The following SVOP variants were observed in gnomAD, a reference collection of about 807,000 sequenced individuals.
SVOP encodes the protein synaptic vesicle 2-related protein.
SVOP carries 17 observed loss-of-function variants against 69.1 expected under a neutral mutation model. The observed-to-expected ratio is 0.25, with a 90% CI of 0.17 to 0.37. The LOEUF is 0.37. SVOP is among the 10% of genes least tolerant of loss of function. The probability of loss-of-function intolerance (pLI) is 1.00; values close to 1 mark genes in which losing one functional copy is unlikely to be tolerated. For missense variants in SVOP, 435 were observed against 597.5 expected, an observed-to-expected ratio of 0.73 and a Z score of 2.84; for synonymous variants, 238 against 238.6, an observed-to-expected ratio of 1.00 and a Z score of 0.02.
intron 12 of SVOP, among the ~76,000 whole-genome samples, chr12:108,922,110 G>A (rs554091329): frequency 6.6e-6 from 1 of 152,280 alleles, no homozygotes; most frequent in South Asian, 2.1e-4. Context: ...AGAGGGATCA[G>A]CTGCCCTTTT....
intron 1 of SVOP, among the ~76,000 whole-genome samples, chr12:108,993,103 G>A (rs1435751070): frequency 6.6e-6 from 1 of 152,028 alleles, no homozygotes; most frequent in Non-Finnish European, 1.5e-5. Context: ...TGCCTCCCAG[G>A]TTCAAGCAAT....
intron 1 of SVOP, among the ~76,000 whole-genome samples, chr12:109,003,003 A>T (rs1366711821): frequency 7.8e-5 from 1 of 12,774 alleles, no homozygotes; most frequent in East Asian, 0.056. Context: ...ATAAATAAAT[A>T]AAAATAAAAA....
intron 9 of SVOP, among the ~76,000 whole-genome samples, chr12:108,937,779 G>T (rs1422077998): frequency 1.3e-5 from 2 of 152,238 alleles, no homozygotes; most frequent in African/African-American, 4.8e-5. Context: ...TTTACCAAAA[G>T]ATTGATTAGC....
At chr12:109,014,155 A>C (rs940938178) in intron 1 of SVOP, among the ~76,000 whole-genome samples, 115 of 151,540 alleles carry the variant, frequency 7.6e-4, no homozygotes, top group African/African-American at 2.7e-3. Context: ...AGCTGGGATT[A>C]CAGGTGCATG....
intron 5 of SVOP, among the ~76,000 whole-genome samples, chr12:108,972,157 G>A (rs565809745): frequency 4.4e-4 from 67 of 151,474 alleles, no homozygotes; most frequent in Admixed American, 8.6e-4. Flanking sequence ...TGAGGAAATG[G>A]TTCTGGTCCA....
At chr12:109,020,037 C>T (rs1459347197) in intron 1 of SVOP, among the ~76,000 whole-genome samples, 2 of 152,048 alleles carry the variant, frequency 1.3e-5, no homozygotes, top group Non-Finnish European at 2.9e-5. Context: ...TTTTAATGCC[C>T]CCTCTCATAC....
At chr12:108,976,025 G>A (rs890498605) in intron 4 of SVOP, among the ~76,000 whole-genome samples, 3 of 152,010 alleles carry the variant, frequency 2.0e-5, no homozygotes, top group Non-Finnish European at 4.4e-5. Flanking sequence ...AGGAGACATT[G>A]GTAAGAAGGA....
chr12:108,969,618 C>T (rs999227496), intron 5 of SVOP, among the ~76,000 whole-genome samples: 14 of 151,550 alleles, frequency 9.2e-5, no homozygotes, highest in Admixed American at 2.0e-4. Context: ...TGAGCCACCG[C>T]GTTCATGCCC....
intron 9 of SVOP, 69 bp from the exon 10 acceptor site, chr12:108,937,406 T>C: frequency 7.0e-7 from 1 of 1,437,742 alleles, no homozygotes; most frequent in Non-Finnish European, 9.8e-7. Flanking sequence ...GCTGGTGGCC[T>C]GAGACTAGTG....
In SVOP at chr12:108,978,330, G is replaced by A. The variant is rs149807487; in HGVS notation, c.282+248C>T. Reference sequence around the variant, plus strand: ...CTCATAGTAGCCCTGAGCCCAAAGAGTTGAAAGCCACCTAATTAGCTAGAA... The same window carrying A: ...CTCATAGTAGCCCTGAGCCCAAAGAATTGAAAGCCACCTAATTAGCTAGAA... On this transcript the variant is annotated intron_variant, in intron 3 of 15. Transcript: ENST00000610966. 1.7e-5 allele frequency: 8 copies of A among 459,492 alleles called. No individual in the cohort carries two copies. In the East Asian group the frequency reaches 3.2e-4, roughly 18 times the overall value. The allele number at this position is 459,492 out of a possible 1,614,324, so 28.5% of individuals were successfully genotyped here. A position where few individuals can be genotyped will look rare whatever the true frequency, so the allele number is the denominator to read the frequency against.
intron 5 of SVOP, among the ~76,000 whole-genome samples, chr12:108,961,300 C>A (rs568049522): frequency 3.5e-4 from 53 of 152,250 alleles, no homozygotes; most frequent in African/African-American, 1.0e-3. Context: ...TTCCACAATA[C>A]AGGAGACAAA....
At chr12:108,977,202 A>G (rs769900399) in intron 4 of SVOP, among the ~76,000 whole-genome samples, 196 bp downstream of exon 4, 13 of 152,202 alleles carry the variant, frequency 8.5e-5, no homozygotes, top group Non-Finnish European at 1.5e-4. Context: ...CACCCTCCCA[A>G]GTAGCTGGAC....
chr12:108,944,030 C>T (rs910107263), intron 7 of SVOP, among the ~76,000 whole-genome samples: 2 of 152,058 alleles, frequency 1.3e-5, no homozygotes, highest in African/African-American at 4.8e-5. Context: ...TACAGCCCAC[C>T]ACCACACCTG....
intron 6 of SVOP, among the ~76,000 whole-genome samples, chr12:108,960,080 A>T (rs2040009110): frequency 6.6e-6 from 1 of 152,200 alleles, no homozygotes. Flanking sequence ...AATATTGGCT[A>T]TTATCATTTT....
At chr12:109,012,660 G>GT (rs2040348559) in intron 1 of SVOP, among the ~76,000 whole-genome samples, 1 of 152,184 alleles carries the variant, frequency 6.6e-6, no homozygotes, top group African/African-American at 2.4e-5. Context: ...AGGTATGGTG[G>GT]TTCAAGCCTG....
chr12:108,974,064 C>T (rs764422564), intron 4 of SVOP, among the ~76,000 whole-genome samples: 3 of 152,152 alleles, frequency 2.0e-5, no homozygotes, highest in Admixed American at 6.5e-5. Flanking sequence ...ATTTGGAGAG[C>T]GTTTTTAAAA....
In SVOP at chr12:109,012,756, C is replaced by T. The variant is rs533060651; in HGVS notation, c.35+8078G>A. ...CAGCCTGGACAACATAGCGAAACCC[C>T]GTCTCTACCAAAAATATAAAAAATG... is the stretch of plus-strand genomic sequence containing the variant. On this transcript the variant is annotated intron_variant, in intron 1 of 15. Transcript: ENST00000610966. Among the ~76,000 whole-genome samples the T allele has an allele frequency of 7.9e-5, 12 of 152,090 alleles. No homozygotes were observed. In the South Asian group the frequency reaches 1.2e-3, roughly 16 times the overall value.
At chr12:109,010,997 C>T (rs2040338366) in intron 1 of SVOP, among the ~76,000 whole-genome samples, 1 of 152,088 alleles carries the variant, frequency 6.6e-6, no homozygotes, top group South Asian at 2.1e-4. Flanking sequence ...TCACTTCAAC[C>T]TCTGCCTCCT....
At chr12:108,971,535 C>A (rs2040079168) in intron 5 of SVOP, among the ~76,000 whole-genome samples, 1 of 152,150 alleles carries the variant, frequency 6.6e-6, no homozygotes, top group Non-Finnish European at 1.5e-5. Flanking sequence ...AGGCCCTGAG[C>A]TGTAAGTTCC....
Sources: allele counts gnomAD v4.1 joint callset (sites outside exome capture counted in the v4.1 genomes callset), GRCh38; gene constraint gnomAD v4.1.1; transcripts MANE v1.5; gene names NCBI Gene and HGNC (gene_info 2026-07-23, HGNC 2026-07-21).